Variants in CTNND2 observed in about 807,000 individuals in gnomAD.
The protein encoded by CTNND2 is catenin delta-2.
In CTNND2, 22 loss-of-function variants were observed where a neutral mutation model predicts 144.4. The observed-to-expected ratio is 0.15, with a 90% CI of 0.11 to 0.22. The LOEUF is 0.22. CTNND2 is among the 10% of genes least tolerant of loss of function. The pLI is 1.00. For synonymous variants in CTNND2, 751 were observed against 695.6 expected (o/e 1.08, Z -1.25); for missense variants, 1,353 against 1,618.8 (o/e 0.84, Z 2.82).
intron 9 of CTNND2, among the ~76,000 whole-genome samples, chr5:11,314,551 A>T (rs1052692345): frequency 6.6e-6 from 1 of 152,156 alleles, no homozygotes; most frequent in Non-Finnish European, 1.5e-5. Flanking sequence ...CTATTTGTAG[A>T]GATGGGGGTC....
intron 16 of CTNND2, among the ~76,000 whole-genome samples, chr5:11,075,137 G>C (rs901919848): frequency 6.6e-6 from 1 of 152,166 alleles, no homozygotes; most frequent in Non-Finnish European, 1.5e-5. Context: ...CACTACACAG[G>C]GGGGCGCTGT....
intron 15 of CTNND2, among the ~76,000 whole-genome samples, chr5:11,096,169 A>G (rs1358136740): frequency 6.6e-6 from 1 of 151,974 alleles, no homozygotes; most frequent in African/African-American, 2.4e-5. Context: ...GCATTATATT[A>G]TATTATATTT....
chr5:11,674,993 T>C (rs1025905250), intron 2 of CTNND2, among the ~76,000 whole-genome samples: 2 of 152,192 alleles, frequency 1.3e-5, no homozygotes, highest in Non-Finnish European at 2.9e-5. Context: ...TATGTAGTTT[T>C]ATCAGATATT....
intron 11 of CTNND2, among the ~76,000 whole-genome samples, chr5:11,194,071 AT>A (rs1387486616): frequency 1.7e-4 from 26 of 152,226 alleles, no homozygotes; most frequent in African/African-American, 6.3e-4. Context: ...GGAAGGAGTA[AT>A]TCAGACAAGA....
At chr5:11,738,979 C>A (rs1473973347) in intron 1 of CTNND2, among the ~76,000 whole-genome samples, 1 of 152,134 alleles carries the variant, frequency 6.6e-6, no homozygotes, top group Non-Finnish European at 1.5e-5. Context: ...CTGTGGGAAG[C>A]TAGAGATTTC....
chr5:11,675,704 CATATAT>C lies in CTNND2; in HGVS notation c.174+56426_174+56431del, dbSNP rs555033807. Among the ~76,000 whole-genome samples the C allele has an allele frequency of 8.5e-3, 1,293 of 151,792 alleles. 10 individuals are homozygous for C. Among genetic ancestry groups the C allele is most frequent in the Non-Finnish European group, 0.015 (1,006 of 67,952 alleles). ...ATAAATGTTAAAAAAACTGTTACAG[CATATAT>C]ATATAAACTATTACATCACATATAT... On this transcript the variant is annotated intron_variant, in intron 2 of 21. Coordinates refer to ENST00000304623, the MANE Select transcript of CTNND2 (RefSeq NM_001332.4).
rs1415806200 is a variant in CTNND2, at chr5:11,475,112, C to T, written c.288-63043G>A. On this transcript the variant is annotated intron_variant, in intron 3 of 21. Coordinates refer to ENST00000304623, the MANE Select transcript of CTNND2 (RefSeq NM_001332.4). ...TCTCAGGTATTACCGCCATTCTCTTCATACTGCAGGCAAGTCAATTTGACT... is the reference window on the plus strand; with the variant it reads ...TCTCAGGTATTACCGCCATTCTCTTTATACTGCAGGCAAGTCAATTTGACT... Among the ~76,000 whole-genome samples the T allele has an allele frequency of 8.5e-5, 13 of 152,228 alleles. No homozygotes were observed. The East Asian group carries it at 2.5e-3, about 29-fold the overall frequency.
rs192139950 is a variant in CTNND2 at position 11,433,072 on chromosome 5, G to A, written c.288-21003C>T. Among the ~76,000 whole-genome samples, 24 of 152,168 alleles carry A rather than the reference G, an allele frequency of 1.6e-4. No individual in the cohort carries two copies. The East Asian group carries it at 3.1e-3, about 20-fold the overall frequency. On this transcript the variant is annotated intron_variant, in intron 3 of 21. Coordinates refer to ENST00000304623, the MANE Select transcript of CTNND2 (RefSeq NM_001332.4). ...ATCCTGGCTAACATGGTGAAACCTCGTCTTTACTAAAAATACAAAAAAAAT... is the reference window on the plus strand; with the variant it reads ...ATCCTGGCTAACATGGTGAAACCTCATCTTTACTAAAAATACAAAAAAAAT...
intron 2 of CTNND2, among the ~76,000 whole-genome samples, chr5:11,622,284 A>G (rs565474796): frequency 3.9e-5 from 6 of 152,300 alleles, no homozygotes; most frequent in African/African-American, 1.2e-4. Flanking sequence ...TTTAATTTAA[A>G]TGAAGACCAA....
intron 16 of CTNND2, among the ~76,000 whole-genome samples, chr5:11,028,761 T>C (rs1372752073): frequency 6.6e-6 from 1 of 152,250 alleles, no homozygotes; most frequent in Admixed American, 6.5e-5. Flanking sequence ...CAGGGTGTAG[T>C]GCACTGGTGC....
intron 9 of CTNND2, among the ~76,000 whole-genome samples, chr5:11,250,972 G>T (rs1199929470): frequency 6.6e-6 from 1 of 152,248 alleles, no homozygotes; most frequent in African/African-American, 2.4e-5. Flanking sequence ...AAGAACGATG[G>T]TTTCTTTATT....
intron 12 of CTNND2, among the ~76,000 whole-genome samples, chr5:11,153,016 C>A (rs775573282): frequency 8.5e-5 from 13 of 152,146 alleles, no homozygotes; most frequent in Admixed American, 2.0e-4. Flanking sequence ...GTAATCCCAG[C>A]ACTTTGGGAG....
At chr5:11,866,249 G>C (rs890037083) in intron 1 of CTNND2, among the ~76,000 whole-genome samples, 1 of 152,192 alleles carries the variant, frequency 6.6e-6, no homozygotes, top group Non-Finnish European at 1.5e-5. Flanking sequence ...GCTGTAGTGA[G>C]CTATGATTTT....
intron 16 of CTNND2, among the ~76,000 whole-genome samples, chr5:11,038,194 G>A (rs1471525810): frequency 6.6e-6 from 1 of 152,136 alleles, no homozygotes; most frequent in Admixed American, 6.5e-5. Context: ...GCTTAGGGCA[G>A]GGGTCCCCAA....
rs143783148 is a variant in CTNND2 at position 11,631,763 on chromosome 5, A to G, written c.175-66707T>C. Among the ~76,000 whole-genome samples the G allele has an allele frequency of 9.7e-4, 148 of 152,274 alleles. 1 individual carries two copies. The highest frequency in any genetic ancestry group is 3.4e-3 in the African/African-American group (140 of 41,552). Reference sequence around the variant, plus strand: ...TCCCCTGCTGCAGCATGCTGAGACTAATGACTCTGATTGGCCTTGCCCCAG... The same window carrying G: ...TCCCCTGCTGCAGCATGCTGAGACTGATGACTCTGATTGGCCTTGCCCCAG... On this transcript the variant is annotated intron_variant, in intron 2 of 21. Coordinates refer to ENST00000304623, the MANE Select transcript of CTNND2 (RefSeq NM_001332.4).
In CTNND2 at chr5:11,022,789, G is replaced by A; in HGVS notation, c.2979C>T (p.Ile993=). The A allele has an allele frequency of 6.2e-7, 1 of 1,614,074 alleles. No individual in the cohort carries two copies. Among genetic ancestry groups the A allele is most frequent in the African/African-American group, 1.3e-5 (1 of 75,050 alleles). ...CTTACTTATCTCCTTTGCTTTTGGAGATGCCGACCAACTTCTCGATGCCAC... is the reference window on the plus strand; with the variant it reads ...CTTACTTATCTCCTTTGCTTTTGGAAATGCCGACCAACTTCTCGATGCCAC... The part of the protein sequence containing the change: ...DAGGIEKLVG[I]SKSKGDKHSP... Residue 993 remains isoleucine, a synonymous_variant, in exon 17 of 22, where the codon ATC becomes ATT. Coordinates refer to ENST00000304623, the MANE Select transcript of CTNND2 (RefSeq NM_001332.4).
intron 1 of CTNND2, among the ~76,000 whole-genome samples, chr5:11,857,357 A>G (rs1376260575): frequency 6.6e-6 from 1 of 152,210 alleles, no homozygotes. Context: ...AGGCAGGAAC[A>G]AGCCTTGTTT....
intron 3 of CTNND2, among the ~76,000 whole-genome samples, chr5:11,523,839 C>A (rs1016101400): frequency 1.3e-5 from 2 of 152,272 alleles, no homozygotes; most frequent in East Asian, 3.9e-4. Context: ...CCAGGGCTTA[C>A]AACAATGAGC....
chr5:11,016,226 T>C (rs766583604), intron 18 of CTNND2, among the ~76,000 whole-genome samples: 2 of 152,338 alleles, frequency 1.3e-5, no homozygotes, highest in South Asian at 4.1e-4. Flanking sequence ...GGGATGACTC[T>C]CATTGATCTA....
Sources: allele counts gnomAD v4.1 joint callset (sites outside exome capture counted in the v4.1 genomes callset), GRCh38; gene constraint gnomAD v4.1.1; transcripts MANE v1.5; gene names NCBI Gene and HGNC (gene_info 2026-07-23, HGNC 2026-07-21).